SPECC1: variants seen among roughly 807,000 people sequenced by gnomAD.
SPECC1 encodes the protein sperm antigen with calponin homology and coiled-coil domains 1, also known as cytospin-B.
Under a neutral mutation model 104.1 loss-of-function variants are expected in SPECC1, and 62 were observed. That is an observed-to-expected ratio of 0.60 (90% confidence interval 0.49 to 0.74). SPECC1 has a LOEUF of 0.74. Ranked by LOEUF, SPECC1 falls within the 30% of genes least tolerant of loss-of-function variation. The probability of loss-of-function intolerance (pLI) is 0.00; values close to 1 mark genes in which losing one functional copy is unlikely to be tolerated. For missense variants in SPECC1, 1,306 were observed against 1,310.5 expected, an observed-to-expected ratio of 1.00 and a Z score of 0.05; for synonymous variants, 513 against 501.6, an observed-to-expected ratio of 1.02 and a Z score of -0.30.
At chr17:20,271,296 G>A (rs1157410955) in intron 12 of SPECC1, among the ~76,000 whole-genome samples, 1 of 151,780 alleles carries the variant, frequency 6.6e-6, no homozygotes, top group Non-Finnish European at 1.5e-5. Context: ...TTTAGATGTT[G>A]TATTTTGATC....
chr17:20,191,147 C>G (rs1218478364), intron 3 of SPECC1, among the ~76,000 whole-genome samples: 7 of 152,152 alleles, frequency 4.6e-5, no homozygotes, highest in Admixed American at 3.3e-4. Flanking sequence ...CAGTTGGTTG[C>G]TTCCAAGTTT....
chr17:20,070,993 A>C (rs1597647944), intron 1 of SPECC1, among the ~76,000 whole-genome samples: 2 of 151,924 alleles, frequency 1.3e-5, no homozygotes, highest in African/African-American at 4.8e-5. Context: ...AAATTTCACT[A>C]CGTTGCCCAG....
At chr17:20,216,539 G>T (rs927549844) in intron 4 of SPECC1, among the ~76,000 whole-genome samples, 2 of 152,028 alleles carry the variant, frequency 1.3e-5, no homozygotes, top group African/African-American at 4.8e-5. Context: ...GTGGGTGGAG[G>T]AGGTGACCCT....
At chr17:20,091,925 A>G (rs948678837) in intron 1 of SPECC1, among the ~76,000 whole-genome samples, 3 of 152,186 alleles carry the variant, frequency 2.0e-5, no homozygotes, top group Non-Finnish European at 4.4e-5. Flanking sequence ...TAACCTCTCC[A>G]ACGCAGGCTC....
intron 3 of SPECC1, among the ~76,000 whole-genome samples, chr17:20,117,764 G>GA (rs1478847189): frequency 6.6e-6 from 1 of 150,776 alleles, no homozygotes; most frequent in African/African-American, 2.4e-5. Context: ...TAGCGCCCAT[G>GA]AAAAATACAG....
chr17:20,091,486 GT>G (rs1031443675), intron 1 of SPECC1, among the ~76,000 whole-genome samples: 3 of 152,132 alleles, frequency 2.0e-5, no homozygotes, highest in Non-Finnish European at 4.4e-5. Flanking sequence ...TCCCCTTTGG[GT>G]TACCGATGTC....
chr17:20,026,436 G>C (rs2044603457), intron 1 of SPECC1, among the ~76,000 whole-genome samples: 1 of 152,104 alleles, frequency 6.6e-6, no homozygotes, highest in Non-Finnish European at 1.5e-5. Flanking sequence ...TTCTTACATA[G>C]CTGTAAATTT....
chr17:20,025,079 G>A (rs531272439), intron 1 of SPECC1, among the ~76,000 whole-genome samples: 220 of 152,314 alleles, frequency 1.4e-3, no homozygotes, highest in Non-Finnish European at 7.2e-4. Flanking sequence ...TTTGGAAGTA[G>A]ACTTCACTTT....
intron 4 of SPECC1, among the ~76,000 whole-genome samples, chr17:20,226,238 A>G (rs1046948741): frequency 2.0e-5 from 3 of 152,262 alleles, no homozygotes; most frequent in Non-Finnish European, 2.9e-5. Context: ...GTGGAATACT[A>G]TGCACCAATT....
chr17:20,192,531 G>C (rs1415815555), intron 3 of SPECC1, among the ~76,000 whole-genome samples: 1 of 152,076 alleles, frequency 6.6e-6, no homozygotes, highest in Non-Finnish European at 1.5e-5. Context: ...TTTTAGTAAT[G>C]TATTTCATCT....
At chr17:20,078,241 C>G (rs1047219362) in intron 1 of SPECC1, among the ~76,000 whole-genome samples, 9 of 151,272 alleles carry the variant, frequency 5.9e-5, no homozygotes, top group Non-Finnish European at 1.2e-4. Flanking sequence ...ATGCAAAAAA[C>G]TTGGTACATT....
At chr17:20,183,424 A>G (rs2035045301) in intron 3 of SPECC1, among the ~76,000 whole-genome samples, 1 of 152,200 alleles carries the variant, frequency 6.6e-6, no homozygotes, top group South Asian at 2.1e-4. Flanking sequence ...TGCTAATTGC[A>G]GTACTTTTTT....
chr17:20,161,745 CAAG>C (rs2033172081), intron 3 of SPECC1, among the ~76,000 whole-genome samples: 7 of 151,536 alleles, frequency 4.6e-5, no homozygotes, highest in Non-Finnish European at 1.5e-5. Flanking sequence ...TTCTTAAAAA[CAAG>C]AAGCTAGTCT....
intron 3 of SPECC1, among the ~76,000 whole-genome samples, chr17:20,180,607 A>C (rs1267442892): frequency 6.6e-6 from 1 of 152,212 alleles, no homozygotes; most frequent in African/African-American, 2.4e-5. Flanking sequence ...GAATATGTGA[A>C]TTATATGGTG....
At chr17:20,166,400 C>A (rs1288542380) in intron 3 of SPECC1, among the ~76,000 whole-genome samples, 1 of 152,110 alleles carries the variant, frequency 6.6e-6, no homozygotes, top group South Asian at 2.1e-4. Context: ...TTACTGGTCA[C>A]TCTGTGATCG....
intron 1 of SPECC1, among the ~76,000 whole-genome samples, chr17:20,065,802 A>G (rs76107663): frequency 0.071 from 10,778 of 152,166 alleles, 538 homozygotes; most frequent in African/African-American, 0.14. Flanking sequence ...CTCCTGACCC[A>G]TAATTAGAGA....
At chr17:20,024,256 G>A (rs1014941244) in intron 1 of SPECC1, among the ~76,000 whole-genome samples, 7 of 152,172 alleles carry the variant, frequency 4.6e-5, no homozygotes, top group Non-Finnish European at 7.4e-5. Context: ...GTTGTACAGC[G>A]TGGCTGAGTT....
intron 12 of SPECC1, among the ~76,000 whole-genome samples, chr17:20,269,206 A>G (rs2040317285): frequency 6.6e-6 from 1 of 152,258 alleles, no homozygotes; most frequent in South Asian, 2.1e-4. Flanking sequence ...CTCTTTAGCA[A>G]GGCTGCTTGC....
chr17:20,021,473 C>G (rs1023956564), intron 1 of SPECC1, among the ~76,000 whole-genome samples: 2 of 151,874 alleles, frequency 1.3e-5, no homozygotes, highest in Non-Finnish European at 2.9e-5. Context: ...CCCAGTAATG[C>G]TGAATGAGCC....
Sources: gnomAD v4.1 joint callset for allele counts (sites outside exome capture counted in the v4.1 genomes callset) on GRCh38, gnomAD v4.1.1 for gene constraint, MANE v1.5 for transcripts, NCBI Gene and HGNC (gene_info 2026-07-23, HGNC 2026-07-21) for gene names.